The following ATP10B variants were observed in gnomAD, a reference collection of about 807,000 sequenced individuals.
ATP10B encodes phospholipid-transporting ATPase VB.
Under a neutral mutation model 141.2 loss-of-function variants are expected in ATP10B, and 122 were observed. The ratio of observed to expected loss-of-function variants is 0.86; its 90% CI spans 0.75 to 1.00. The LOEUF is 1.00. Ranked by LOEUF, ATP10B falls within the 50% of genes least tolerant of loss-of-function variation. The pLI is 0.00. For synonymous variants in ATP10B, 685 were observed against 692.0 expected, an observed-to-expected ratio of 0.99 and a Z score of 0.16; for missense variants, 1,876 against 1,825.3, an observed-to-expected ratio of 1.03 and a Z score of -0.51.
rs1754460065 is a variant in ATP10B, at chr5:160,565,241, G to T, written c.*212C>A. 1 of 582,148 alleles carries T rather than the reference G, an allele frequency of 1.7e-6. No homozygotes were observed. Among genetic ancestry groups the T allele is most frequent in the Non-Finnish European group, 3.0e-6 (1 of 328,032 alleles). The allele number at this position is 582,148 out of a possible 1,614,324, so 36.1% of individuals were successfully genotyped here. On this transcript the variant is annotated 3_prime_UTR_variant, in exon 26 of 26. Coordinates refer to ENST00000327245, the MANE Select transcript of ATP10B (RefSeq NM_025153.3). Reference sequence around the variant, plus strand: ...CTCCAAACTGTTTGCAAGATGTGCTGCCTGAGAGCAGCAGAAAACTAGAGG... The same window carrying T: ...CTCCAAACTGTTTGCAAGATGTGCTTCCTGAGAGCAGCAGAAAACTAGAGG...
chr5:160,760,347 C>G (rs183272578), intron 2 of ATP10B, among the ~76,000 whole-genome samples: 146 of 152,256 alleles, frequency 9.6e-4, no homozygotes, highest in Non-Finnish European at 1.7e-3. Flanking sequence ...TCCTTAAGAC[C>G]TTGCTTCCTG....
At chr5:160,813,880 A>C (rs1581582786) in intron 1 of ATP10B, among the ~76,000 whole-genome samples, 1 of 152,222 alleles carries the variant, frequency 6.6e-6, no homozygotes, top group Admixed American at 6.5e-5. Context: ...CAGGGTCTGG[A>C]GTGGACCTCC....
the ATP10B span, among the ~76,000 whole-genome samples, chr5:160,900,209 C>A: frequency 6.6e-6 from 1 of 152,168 alleles, no homozygotes; most frequent in Non-Finnish European, 1.5e-5. Context: ...ACAAGACATC[C>A]CTACCCCTTT....
Position 160,686,099 on chromosome 5 carries a change from G to C in ATP10B, c.450C>G (p.Ser150=), listed in dbSNP as rs1763733236. 1.3e-6 allele frequency: 2 copies of C among 1,571,806 alleles called. No individual in the cohort carries two copies. Among genetic ancestry groups the C allele is most frequent in the South Asian group, 2.4e-5 (2 of 85,014 alleles). ...CTTACCTTTCATAAATTCGAATGTT[G>C]GAGCAGTTTATTGCTTTATCAAAGC... ...RHRFDKAINC[S]NIRIYERKEQ... Residue 150 remains serine, a synonymous_variant, in exon 6 of 26, where the codon TCC becomes TCG. Coordinates refer to ENST00000327245, the MANE Select transcript of ATP10B (RefSeq NM_025153.3).
the ATP10B span, among the ~76,000 whole-genome samples, chr5:160,923,552 C>T: frequency 1.3e-5 from 2 of 152,184 alleles, no homozygotes; most frequent in Non-Finnish European, 1.5e-5. Flanking sequence ...CAGTATTATG[C>T]AACTGTGGAA....
intron 10 of ATP10B, among the ~76,000 whole-genome samples, chr5:160,638,587 A>C (rs963813563): frequency 2.0e-5 from 3 of 152,060 alleles, no homozygotes; most frequent in Non-Finnish European, 4.4e-5. Context: ...CATACCTGGG[A>C]ACTCCAGGCC....
At chr5:160,683,290 A>G (rs1763546224) in intron 6 of ATP10B, among the ~76,000 whole-genome samples, 1 of 152,186 alleles carries the variant, frequency 6.6e-6, no homozygotes, top group Admixed American at 6.5e-5. Flanking sequence ...ATTTTTCTAA[A>G]CGTGCAACTG....
chr5:160,889,526 G>A, the ATP10B span, among the ~76,000 whole-genome samples: 1 of 152,156 alleles, frequency 6.6e-6, no homozygotes, highest in Non-Finnish European at 1.5e-5. Flanking sequence ...TAGCCTGAGT[G>A]GTATTTTCAA....
intron 25 of ATP10B, among the ~76,000 whole-genome samples, chr5:160,567,804 T>A (rs10515812): frequency 0.21 from 32,487 of 151,936 alleles, 3,613 homozygotes; most frequent in Admixed American, 0.3. Context: ...CCTTGGAGGG[T>A]TATAAATAGG....
At chr5:160,750,048 G>A (rs1394909990) in intron 2 of ATP10B, among the ~76,000 whole-genome samples, 2 of 152,216 alleles carry the variant, frequency 1.3e-5, no homozygotes, top group African/African-American at 4.8e-5. Context: ...GCAGGTAGCA[G>A]TAATGAAAGG....
chr5:160,790,653 C>G (rs1771503073), intron 1 of ATP10B, among the ~76,000 whole-genome samples: 1 of 152,086 alleles, frequency 6.6e-6, no homozygotes, highest in Admixed American at 6.6e-5. Flanking sequence ...ATGAGGAGGA[C>G]AGTTGAAACA....
At chr5:160,862,897 G>A in the ATP10B span, among the ~76,000 whole-genome samples, 4 of 151,832 alleles carry the variant, frequency 2.6e-5, no homozygotes, top group African/African-American at 9.7e-5. Flanking sequence ...ATACATACTT[G>A]TTAGCCAAAA....
chr5:160,602,574 T>A lies in ATP10B; in HGVS notation c.3363+3A>T. On this transcript the variant is annotated splice_donor_region_variant and intron_variant, in intron 21 of 25. Coordinates refer to ENST00000327245, the MANE Select transcript of ATP10B (RefSeq NM_025153.3). ...GGGTGAGAGGACGCCATAGGCTACTTACCACGTTCTTGTAGAGGTAGTACA... is the reference window on the plus strand; with the variant it reads ...GGGTGAGAGGACGCCATAGGCTACTAACCACGTTCTTGTAGAGGTAGTACA... 6 of 1,613,678 alleles carry A rather than the reference T, an allele frequency of 3.7e-6. No homozygotes were observed. The highest frequency in any genetic ancestry group is 5.1e-6 in the Non-Finnish European group (6 of 1,179,728).
At chr5:160,846,103 T>A (rs1418427936) in intron 1 of ATP10B, among the ~76,000 whole-genome samples, 2 of 152,192 alleles carry the variant, frequency 1.3e-5, no homozygotes, top group East Asian at 3.8e-4. Flanking sequence ...AGAGTTCCAA[T>A]GCTATTGAAA....
intron 7 of ATP10B, among the ~76,000 whole-genome samples, chr5:160,666,165 G>A (rs1289789565): frequency 6.6e-6 from 1 of 152,206 alleles, no homozygotes; most frequent in Non-Finnish European, 1.5e-5. Flanking sequence ...AAGCACTGGA[G>A]ATGGCGCCTC....
chr5:160,791,493 G>A (rs1771566331), intron 1 of ATP10B, among the ~76,000 whole-genome samples: 1 of 152,122 alleles, frequency 6.6e-6, no homozygotes, highest in African/African-American at 2.4e-5. Flanking sequence ...CAAGTCTGGA[G>A]ATAGGCAGTC....
chr5:160,644,765 A>G (rs550968294), intron 8 of ATP10B, among the ~76,000 whole-genome samples: 1 of 152,274 alleles, frequency 6.6e-6, no homozygotes, highest in Admixed American at 6.5e-5. Context: ...CTGTCCCAGG[A>G]AACTCATGAA....
At chr5:160,615,125 C>T (rs6874149) in intron 17 of ATP10B, among the ~76,000 whole-genome samples, 118,032 of 152,020 alleles carry the variant, frequency 0.78, 45,964 homozygotes, top group East Asian at 0.84. Flanking sequence ...CAGATCTGTC[C>T]CTGCTTTCAC....
chr5:160,858,205 T>A, the ATP10B span, among the ~76,000 whole-genome samples: 1 of 151,928 alleles, frequency 6.6e-6, no homozygotes, highest in Non-Finnish European at 1.5e-5. Flanking sequence ...ATTGAGCTTT[T>A]GACCATTATA....
Sources: gnomAD v4.1 joint callset for allele counts (sites outside exome capture counted in the v4.1 genomes callset) on GRCh38, gnomAD v4.1.1 for gene constraint, MANE v1.5 for transcripts, NCBI Gene and HGNC (gene_info 2026-07-23, HGNC 2026-07-21) for gene names.